Variants in UTP4 observed in about 807,000 individuals in gnomAD.
UTP4 encodes the protein UTP4 small subunit processome component.
In UTP4, 45 loss-of-function variants were observed where a neutral mutation model predicts 82.4. The observed-to-expected ratio is 0.55, with a 90% CI of 0.43 to 0.70. UTP4 has a LOEUF of 0.70. UTP4 is among the 30% of genes least tolerant of loss of function. The probability of loss-of-function intolerance (pLI) is 0.00; values close to 1 mark genes in which losing one functional copy is unlikely to be tolerated. For missense variants in UTP4, 819 were observed against 858.3 expected (o/e 0.95, Z 0.57); for synonymous variants, 348 against 300.3 (o/e 1.16, Z -1.64).
intron 6 of UTP4, among the ~76,000 whole-genome samples, chr16:69,145,146 TAAC>T (rs1327269284): frequency 1.3e-5 from 2 of 151,100 alleles, no homozygotes; most frequent in Non-Finnish European, 2.9e-5. Context: ...CCATCTCAAA[TAAC>T]AATAATAATA....
In UTP4 at chr16:69,167,099, C is replaced by T. The variant is rs777707568; in HGVS notation, c.1858C>T (p.Leu620Phe). The change falls in exon 16 of 17, where the codon CTC becomes TTC. Residue 620 changes from leucine to phenylalanine, a missense_variant. Leu to Phe is a conservative substitution (Grantham distance 22). Transcript: ENST00000314423. ...SLPLPNDKTL[L>F]YNPFPPTNES... ...GCCCCTTCCAAATGACAAAACCTTA[C>T]TCTACAATCCATTTCCTCCCACGAA... 34 of 1,613,790 alleles carry T rather than the reference C, an allele frequency of 2.1e-5. No homozygotes were observed. The highest frequency in any genetic ancestry group is 2.5e-5 in the Non-Finnish European group (30 of 1,179,684).
In UTP4 at chr16:69,157,717, C is replaced by G. The variant is rs75774854; in HGVS notation, c.1444+477C>G. The stretch of plus-strand genomic sequence containing the variant: ...TCAAGTTATCTTCCCATCTCAGCAT[C>G]CTGAGTAGCTGGGACTATAGACACT... On this transcript the variant is annotated intron_variant, in intron 12 of 16. Transcript: ENST00000314423. Among the ~76,000 whole-genome samples, 1,164 of 151,946 alleles carry G rather than the reference C, an allele frequency of 7.7e-3. 17 individuals are homozygous for G. Among genetic ancestry groups the G allele is most frequent in the African/African-American group, 0.025 (1,049 of 41,424 alleles).
intron 6 of UTP4, among the ~76,000 whole-genome samples, chr16:69,144,120 T>A (rs1192216481): frequency 6.7e-6 from 1 of 150,172 alleles, no homozygotes; most frequent in Non-Finnish European, 1.5e-5. Context: ...ACTCCTGACC[T>A]CAGGTGATCC....
intron 6 of UTP4, among the ~76,000 whole-genome samples, chr16:69,150,209 T>G (rs1459507685): frequency 1.3e-5 from 2 of 152,232 alleles, no homozygotes; most frequent in Admixed American, 1.3e-4. Context: ...TTTTCTCTTA[T>G]GTTCTTTCGA....
chr16:69,136,928 T>C, intron 3 of UTP4, 41 bp downstream of exon 3: 20 of 1,546,376 alleles, frequency 1.3e-5, no homozygotes, highest in Non-Finnish European at 1.8e-5. Context: ...AAAATTTCTC[T>C]CGTGCCTGCT....
intron 5 of UTP4, among the ~76,000 whole-genome samples, chr16:69,140,540 AC>A (rs1962931364): frequency 6.6e-6 from 1 of 151,932 alleles, no homozygotes; most frequent in African/African-American, 2.4e-5. Flanking sequence ...ACATGGAGAA[AC>A]CCTGTCTCTA....
chr16:69,156,947 A>G, intron 11 of UTP4, 137 bp from the exon 12 acceptor site: 1 of 805,278 alleles, frequency 1.2e-6, no homozygotes, highest in Non-Finnish European at 2.1e-6. Context: ...CTGGAGAGAA[A>G]CCAGTGTTCT....
At chr16:69,157,599 G>A (rs1276416223) in intron 12 of UTP4, among the ~76,000 whole-genome samples, 1 of 152,078 alleles carries the variant, frequency 6.6e-6, no homozygotes, top group Non-Finnish European at 1.5e-5. Flanking sequence ...ATATGTATTT[G>A]TATATAAGTA....
intron 12 of UTP4, among the ~76,000 whole-genome samples, chr16:69,159,693 GAAAA>G (rs1459671066): frequency 6.6e-6 from 1 of 150,422 alleles, no homozygotes; most frequent in Non-Finnish European, 1.5e-5. Flanking sequence ...TCTAAAAAAA[GAAAA>G]AAGAAAGAGG....
chr16:69,157,232 C>T lies in UTP4; in HGVS notation c.1436C>T (p.Pro479Leu), dbSNP rs745409888. The T allele has an allele frequency of 6.2e-7, 1 of 1,614,064 alleles. No homozygotes were observed. Among genetic ancestry groups the T allele is most frequent in the South Asian group, 1.1e-5 (1 of 91,060 alleles). Residue 479 changes from proline to leucine, a missense_variant, in exon 12 of 17, where the codon CCT becomes CTT. Coordinates refer to ENST00000314423, the MANE Select transcript of UTP4 (RefSeq NM_032830.3). ...GSFKHLHAFQ[P>L]QSGTVEAMCL... ...TTCAAGCACCTGCATGCTTTCCAGC[C>T]TCAGTCAGGTGGGAATCTGGTAACT...
intron 12 of UTP4, among the ~76,000 whole-genome samples, chr16:69,158,718 T>C (rs1963487695): frequency 6.6e-6 from 1 of 152,150 alleles, no homozygotes. Flanking sequence ...TCTTCACAGC[T>C]CTCAAACCTG....
chr16:69,150,699 A>G lies in UTP4; in HGVS notation c.901A>G (p.Ile301Val). ...TGTGGCCCACAGCCCAACAGCGCTG[A>G]TATCTGGAGGTGGGTTCCCCCTCTG... ...RTVAHSPTAL[I>V]SGGTDTHLVF... The change falls in exon 7 of 17, where the codon ATA becomes GTA. Residue 301 changes from isoleucine (I) to valine (V), a missense_variant. By Grantham distance (29) the Ile-to-Val change is conservative. Transcript: ENST00000314423. The G allele has an allele frequency of 1.9e-6, 3 of 1,614,178 alleles. No homozygotes were observed. The highest frequency in any genetic ancestry group is 2.5e-6 in the Non-Finnish European group (3 of 1,180,032).
intron 6 of UTP4, among the ~76,000 whole-genome samples, chr16:69,149,989 A>G (rs1456736425): frequency 6.6e-6 from 1 of 152,146 alleles, no homozygotes; most frequent in African/African-American, 2.4e-5. Context: ...CAGCTTCTCA[A>G]AGTGCTGGGA....
chr16:69,168,898 G>A lies in UTP4; in HGVS notation c.2022G>A (p.Gln674=). Residue 674 remains glutamine, a synonymous_variant, in exon 17 of 17, where the codon CAG becomes CAA. Coordinates refer to ENST00000314423, the MANE Select transcript of UTP4 (RefSeq NM_032830.3). ...GGCCTCTGGATGACATCATTGCTCA[G>A]CTCCCACCACCCATTAAAAAGAAGA... ...VERPLDDIIA[Q]LPPPIKKKKF... 6.2e-7 allele frequency: 1 copy of A among 1,613,888 alleles called. No homozygotes were observed. Among genetic ancestry groups the A allele is most frequent in the Non-Finnish European group, 8.5e-7 (1 of 1,179,806 alleles).
At chr16:69,147,880 C>CT (rs981445356) in intron 6 of UTP4, among the ~76,000 whole-genome samples, 15 of 151,308 alleles carry the variant, frequency 9.9e-5, no homozygotes, top group African/African-American at 2.2e-4. Context: ...ATTAGGAATC[C>CT]TTTTTTTTTC....
intron 14 of UTP4, 83 bp from the exon 15 acceptor site, chr16:69,165,258 A>T: frequency 8.3e-7 from 1 of 1,201,662 alleles, no homozygotes; most frequent in East Asian, 2.3e-5. Context: ...CTTTGTATAG[A>T]TACTTTCTGG....
In UTP4 at chr16:69,139,863, C is replaced by A; in HGVS notation, c.475C>A (p.His159Asn). The A allele has an allele frequency of 6.2e-7, 1 of 1,613,920 alleles. No individual in the cohort carries two copies. Residue 159 changes from histidine to asparagine, a missense_variant, in exon 5 of 17, where the codon CAC becomes AAC. His to Asn is a moderately conservative substitution (Grantham distance 68). Transcript: ENST00000314423. ...LSLSWHPSGT[H>N]IAAGSIDYIS... ...TCTCAGCTGGCATCCCTCTGGTACCCACATTGCAGCTGGTTCCATAGACTA... is the reference window on the plus strand; with the variant it reads ...TCTCAGCTGGCATCCCTCTGGTACCAACATTGCAGCTGGTTCCATAGACTA...
At chr16:69,165,549 C>T in intron 15 of UTP4, 23 bp downstream of exon 15, 1 of 1,594,930 alleles carries the variant, frequency 6.3e-7, no homozygotes, top group Non-Finnish European at 8.6e-7. Context: ...CTGCTACCTC[C>T]CAAATCTTCT....
intron 6 of UTP4, among the ~76,000 whole-genome samples, chr16:69,148,200 ATCTGCCCGCC>A (rs1963169693): frequency 6.6e-6 from 1 of 151,720 alleles, no homozygotes; most frequent in African/African-American, 2.4e-5. Context: ...TGACCTTGTG[ATCTGCCCGCC>A]TCGGCCTCCC....
Sources: gnomAD v4.1 joint callset for allele counts (sites outside exome capture counted in the v4.1 genomes callset) on GRCh38, gnomAD v4.1.1 for gene constraint, MANE v1.5 for transcripts, NCBI Gene and HGNC (gene_info 2026-07-23, HGNC 2026-07-21) for gene names.